The following CPAMD8 variants were observed in gnomAD, a reference collection of about 807,000 sequenced individuals.
CPAMD8 encodes the protein C3 and PZP-like alpha-2-macroglobulin domain-containing protein 8.
A neutral mutation model predicts 224.7 loss-of-function variants in CPAMD8; 146 were observed. The observed-to-expected ratio is 0.65, with a 90% confidence interval of 0.57 to 0.75. The LOEUF is 0.75. Ranked by LOEUF, CPAMD8 falls within the 30% of genes least tolerant of loss-of-function variation. The pLI, the probability that CPAMD8 is intolerant of heterozygous loss-of-function variation, is 0.00. For synonymous variants in CPAMD8, 966 were observed against 1,044.6 expected (o/e 0.92, Z 1.45); for missense variants, 2,301 against 2,537.5 (o/e 0.91, Z 2.00).
intron 25 of CPAMD8, 43 bp from the exon 26 acceptor site, chr19:16,925,415 T>C: frequency 1.3e-6 from 2 of 1,504,864 alleles, no homozygotes; most frequent in East Asian, 2.3e-5. Flanking sequence ...GCTGTCCCAG[T>C]TCAGTAGAGA....
intron 12 of CPAMD8, among the ~76,000 whole-genome samples, chr19:16,992,799 C>T (rs1175417563): frequency 6.6e-6 from 1 of 151,988 alleles, no homozygotes; most frequent in Non-Finnish European, 1.5e-5. Flanking sequence ...TAATTACGGG[C>T]ATGCACGTGT....
intron 23 of CPAMD8, 97 bp from the exon 24 acceptor site, chr19:16,929,337 G>GT: frequency 1.0e-6 from 1 of 987,466 alleles, no homozygotes; most frequent in Non-Finnish European, 1.5e-6. Context: ...ACCACAAGGA[G>GT]TGGGTCTCAC....
chr19:16,980,707 G>T, intron 13 of CPAMD8, 21 bp from the exon 14 acceptor site: 5 of 1,507,244 alleles, frequency 3.3e-6, no homozygotes, highest in Non-Finnish European at 4.4e-6. Flanking sequence ...CACGCAGCAT[G>T]GGGGGCTCTG....
chr19:16,991,013 C>G (rs2055930099), intron 12 of CPAMD8, among the ~76,000 whole-genome samples: 1 of 151,904 alleles, frequency 6.6e-6, no homozygotes, highest in Non-Finnish European at 1.5e-5. Flanking sequence ...CACAGGTTAT[C>G]AGCCCATCTC....
intron 30 of CPAMD8, among the ~76,000 whole-genome samples, chr19:16,906,537 G>A (rs141655492): frequency 0.025 from 3,713 of 151,392 alleles, 158 homozygotes; most frequent in African/African-American, 0.085. Context: ...CCGAGTAGCT[G>A]GGGTTATAGG....
intron 23 of CPAMD8, among the ~76,000 whole-genome samples, chr19:16,931,854 TG>T (rs1357445020): frequency 6.6e-6 from 1 of 152,134 alleles, no homozygotes; most frequent in Non-Finnish European, 1.5e-5. Context: ...AGAAATCATA[TG>T]GAGACTACAC....
In CPAMD8 at chr19:16,893,159, C is replaced by T. The variant is rs769428502; in HGVS notation, c.5607G>A (p.Gln1869=). 1.3e-6 allele frequency: 2 copies of T among 1,589,540 alleles called. No individual in the cohort carries two copies. The highest frequency in any genetic ancestry group is 1.3e-5 in the African/African-American group (1 of 74,588). The stretch of plus-strand genomic sequence containing the variant: ...TCCATAAACCCTCCTCCCCACCACT[C>T]TGAAAGGCTGGGCTGTAGACGAAGA... ...SPVFVYSPAF[Q]SGGEEGLWMS... Residue 1869 remains glutamine (Q), a synonymous_variant, in exon 42 of 42, where the codon CAG becomes CAA. Transcript: ENST00000443236.
At chr19:16,963,931 GAA>G (rs1162170761) in intron 18 of CPAMD8, among the ~76,000 whole-genome samples, 1 of 152,186 alleles carries the variant, frequency 6.6e-6, no homozygotes, top group Non-Finnish European at 1.5e-5. Context: ...ACCTGCTCCT[GAA>G]TGACTGCTGG....
rs1188877157 is a variant in CPAMD8 at position 16,971,009 on chromosome 19, C to T, written c.2095G>A (p.Asp699Asn). The change falls in exon 18 of 42, where the codon GAC becomes AAC. Residue 699 changes from aspartate (D) to asparagine (N), a missense_variant. Transcript: ENST00000443236. ...FTETGLVVMT[D>N]RVSLNHRQDG... ...TGCCGGTGGTTCAGGCTCACTCGGT[C>T]GGTCATCACCACCAGTCCCGTTTCC... 6 of 1,610,056 alleles carry T rather than the reference C, an allele frequency of 3.7e-6. No homozygotes were observed. Among genetic ancestry groups the T allele is most frequent in the South Asian group, 1.1e-5 (1 of 90,784 alleles).
intron 17 of CPAMD8, 153 bp from the exon 18 acceptor site, chr19:16,971,186 G>C: frequency 1.6e-6 from 1 of 607,320 alleles, no homozygotes; most frequent in Non-Finnish European, 2.7e-6. Context: ...TTTTGGGTTT[G>C]TTTTGTTTTG....
chr19:16,941,911 T>A (rs1330877318), intron 22 of CPAMD8, among the ~76,000 whole-genome samples: 1 of 152,156 alleles, frequency 6.6e-6, no homozygotes, highest in Non-Finnish European at 1.5e-5. Flanking sequence ...GGCTGGAGGT[T>A]GCAATGAGCT....
intron 13 of CPAMD8, among the ~76,000 whole-genome samples, chr19:16,987,183 T>A (rs1480075183): frequency 0.079 from 4,032 of 51,132 alleles, 133 homozygotes; most frequent in Non-Finnish European, 0.11. Flanking sequence ...AAAAAAAATA[T>A]ATATATATAT....
chr19:17,009,844 A>G (rs533326627), intron 5 of CPAMD8, among the ~76,000 whole-genome samples: 42 of 151,806 alleles, frequency 2.8e-4, no homozygotes, highest in African/African-American at 9.4e-4. Flanking sequence ...TAATGTCCCC[A>G]GCAACACGAC....
chr19:16,898,144 C>CA lies in CPAMD8; in HGVS notation c.4849-151_4849-150insT. ...CATTTTCTTTTTTTCTTTTACTTTT[C>CA]TTTTTTTTTTTTTTTCCTGAGACAG... On this transcript the variant is annotated intron_variant, in intron 37 of 41. Coordinates refer to ENST00000443236, the MANE Select transcript of CPAMD8 (RefSeq NM_015692.5). This position sits in a 1 kb window ranked among gnomAD's most constrained non-coding sequence, Gnocchi z 4.2. 5 of 526,044 alleles carry CA rather than the reference C, an allele frequency of 9.5e-6. No homozygotes were observed. The highest frequency in any genetic ancestry group is 6.6e-5 in the East Asian group (2 of 30,104). The allele number at this position is 526,044 out of a possible 1,614,324, so 32.6% of individuals were successfully genotyped here.
chr19:17,013,153 C>A (rs1019712294), intron 3 of CPAMD8, among the ~76,000 whole-genome samples: 1 of 151,700 alleles, frequency 6.6e-6, no homozygotes, highest in Non-Finnish European at 1.5e-5. Context: ...TGCACTCCAA[C>A]CTGGGTGACA....
At chr19:17,003,985 C>A (rs547879695) in intron 8 of CPAMD8, among the ~76,000 whole-genome samples, 2 of 151,782 alleles carry the variant, frequency 1.3e-5, no homozygotes, top group East Asian at 4.0e-4. Context: ...TGGCTCACTG[C>A]AACCTCTGCC....
intron 27 of CPAMD8, among the ~76,000 whole-genome samples, chr19:16,920,411 C>T (rs1422046082): frequency 6.6e-6 from 1 of 151,842 alleles, no homozygotes; most frequent in Admixed American, 6.6e-5. Flanking sequence ...ACCCAGGGGG[C>T]GGAGCTTGCA....
At chr19:16,942,440 C>G (rs146004906) in intron 22 of CPAMD8, among the ~76,000 whole-genome samples, 2 of 152,126 alleles carry the variant, frequency 1.3e-5, no homozygotes, top group South Asian at 4.1e-4. Context: ...CCAGCCTGGG[C>G]GACAGAGTGA....
At chr19:16,921,104 G>T (rs1198045811) in intron 27 of CPAMD8, among the ~76,000 whole-genome samples, 1 of 152,088 alleles carries the variant, frequency 6.6e-6, no homozygotes, top group East Asian at 1.9e-4. Flanking sequence ...TGGGGCTGGG[G>T]GAGGCTGGGT....
Sources: gnomAD v4.1 joint callset for allele counts (sites outside exome capture counted in the v4.1 genomes callset) on GRCh38, gnomAD v4.1.1 for gene constraint, Gnocchi (gnomAD v3.1) non-coding constraint, MANE v1.5 for transcripts, NCBI Gene and HGNC (gene_info 2026-07-23, HGNC 2026-07-21) for gene names.